SLC1A2: variants seen among roughly 807,000 people sequenced by gnomAD.
The protein encoded by SLC1A2 is solute carrier family 1 member 2.
A neutral mutation model predicts 48.8 loss-of-function variants in SLC1A2; 15 were observed. That is an observed-to-expected ratio of 0.31 (90% CI 0.21 to 0.47). The LOEUF is 0.47. Among genes scored for constraint, SLC1A2 ranks in the 20% least tolerant of loss-of-function variants. The pLI is 0.99. For missense variants in SLC1A2, 502 were observed against 730.5 expected, an observed-to-expected ratio of 0.69 and a Z score of 3.61; for synonymous variants, 279 against 272.6, an observed-to-expected ratio of 1.02 and a Z score of -0.23.
intron 1 of SLC1A2, among the ~76,000 whole-genome samples, chr11:35,415,251 T>C (rs1855572386): frequency 6.6e-6 from 1 of 152,244 alleles, no homozygotes; most frequent in South Asian, 2.1e-4. Flanking sequence ...GAAGTGGCCA[T>C]TGATACTGAT....
In SLC1A2 at chr11:35,305,200, G is replaced by A. The variant is rs553112021; in HGVS notation, c.730+874C>T. On this transcript the variant is annotated intron_variant, in intron 5 of 10. Transcript: ENST00000278379. ...GGAGCAAACTGGGCAGACTAGAGCC[G>A]CTCACATGGTAATAAACCTCTGTCC... Among the ~76,000 whole-genome samples the A allele has an allele frequency of 4.6e-5, 7 of 152,242 alleles. No homozygotes were observed. In the East Asian group the frequency reaches 7.7e-4, roughly 17 times the overall value.
chr11:35,321,153 T>C (rs1852051746), intron 1 of SLC1A2, among the ~76,000 whole-genome samples: 1 of 152,142 alleles, frequency 6.6e-6, no homozygotes, highest in Non-Finnish European at 1.5e-5. Context: ...CACCAGATAT[T>C]GTGATAACTC....
intron 1 of SLC1A2, among the ~76,000 whole-genome samples, chr11:35,363,360 C>T (rs1367573635): frequency 5.9e-5 from 9 of 152,116 alleles, no homozygotes; most frequent in South Asian, 2.1e-4. Context: ...GAAGGAAGGG[C>T]GGATGGCTTG....
chr11:35,414,116 G>A (rs181613661), intron 1 of SLC1A2, among the ~76,000 whole-genome samples: 10 of 152,050 alleles, frequency 6.6e-5, no homozygotes, highest in African/African-American at 1.7e-4. Flanking sequence ...AGCAACTGTC[G>A]AGATTGCCAA....
At chr11:35,317,602 G>GATTCCAACTGT in intron 1 of SLC1A2, 86 bp from the exon 2 acceptor site, 2 of 1,467,770 alleles carry the variant, frequency 1.4e-6, no homozygotes, top group Non-Finnish European at 1.8e-6. Context: ...AACCTCTCCA[G>GATTCCAACTGT]GCACAGTTGG....
chr11:35,348,816 C>T (rs1390974336), intron 1 of SLC1A2, among the ~76,000 whole-genome samples: 1 of 150,258 alleles, frequency 6.7e-6, no homozygotes, highest in African/African-American at 2.5e-5. Flanking sequence ...TTGCTTGAAC[C>T]CAGGAGGTGG....
At chr11:35,389,015 A>G (rs1179573224) in intron 1 of SLC1A2, among the ~76,000 whole-genome samples, 1 of 152,206 alleles carries the variant, frequency 6.6e-6, no homozygotes, top group African/African-American at 2.4e-5. Context: ...TAACGGGTAC[A>G]CTAGAAGTCC....
chr11:35,351,705 G>A (rs941975992), intron 1 of SLC1A2, among the ~76,000 whole-genome samples: 19 of 151,828 alleles, frequency 1.3e-4, no homozygotes, highest in Non-Finnish European at 2.6e-4. Flanking sequence ...GCACAATCTC[G>A]GCTCACTACA....
At chr11:35,318,044 G>C (rs1851941293) in intron 1 of SLC1A2, among the ~76,000 whole-genome samples, 1 of 152,148 alleles carries the variant, frequency 6.6e-6, no homozygotes. Flanking sequence ...TTTTGGAAAA[G>C]ATAGTTTATC....
intron 4 of SLC1A2, among the ~76,000 whole-genome samples, chr11:35,311,897 G>GAGA (rs1565233384): frequency 1.9e-4 from 5 of 25,700 alleles, no homozygotes; most frequent in Non-Finnish European, 2.8e-4. Flanking sequence ...AGAGAGGGAG[G>GAGA]GAGAGAGAGA....
At position 35,251,590 on chromosome 11, in the gene SLC1A2, T is replaced by C. The variant is rs1950239269; in HGVS notation, c.*9304A>G. The C allele has an allele frequency of 6.6e-6, 1 of 152,396 alleles. No homozygotes were observed. 9.4% of individuals were successfully genotyped at this position (152,396 alleles called of 1,614,324 possible). On this transcript the variant is annotated 3_prime_UTR_variant, in exon 11 of 11. Transcript: ENST00000278379. ...GAATACAATTAGTTTTATCTTTTGTTCTGGACATACAAGAATTTTCAAAGA... is the reference window on the plus strand; with the variant it reads ...GAATACAATTAGTTTTATCTTTTGTCCTGGACATACAAGAATTTTCAAAGA...
chr11:35,355,777 C>G, intron 1 of SLC1A2, among the ~76,000 whole-genome samples: 1 of 151,824 alleles, frequency 6.6e-6, no homozygotes, highest in South Asian at 2.1e-4. Flanking sequence ...CCCAGCTACT[C>G]GGGAGGCTGA....
intron 1 of SLC1A2, among the ~76,000 whole-genome samples, chr11:35,348,171 C>T (rs1329026661): frequency 6.6e-6 from 1 of 152,154 alleles, no homozygotes. Flanking sequence ...ATAAGCAGAG[C>T]CTCCCCAGGA....
At chr11:35,360,434 C>A (rs1420331349) in intron 1 of SLC1A2, among the ~76,000 whole-genome samples, 3 of 152,228 alleles carry the variant, frequency 2.0e-5, no homozygotes, top group Admixed American at 6.5e-5. Context: ...CACCAGATGA[C>A]CTTCCCTGGG....
intron 6 of SLC1A2, chr11:35,299,657 A>G (rs577545923): frequency 1.3e-5 from 2 of 152,246 alleles, no homozygotes; most frequent in East Asian, 1.9e-4. Context: ...ACTCGTTCCT[A>G]AAGTTTTAGT....
chr11:35,341,133 C>T (rs1852827616), intron 1 of SLC1A2, among the ~76,000 whole-genome samples: 1 of 152,194 alleles, frequency 6.6e-6, no homozygotes, highest in African/African-American at 2.4e-5. Flanking sequence ...GAGGCTGGAA[C>T]TGCATTAGAG....
At chr11:35,352,560 A>G (rs978798017) in intron 1 of SLC1A2, among the ~76,000 whole-genome samples, 15 of 152,206 alleles carry the variant, frequency 9.9e-5, no homozygotes, top group Non-Finnish European at 1.0e-4. Flanking sequence ...AGCCATTCCA[A>G]TGCTGCCTCT....
intron 1 of SLC1A2, among the ~76,000 whole-genome samples, chr11:35,346,752 C>T (rs927506427): frequency 6.6e-6 from 1 of 152,206 alleles, no homozygotes; most frequent in Non-Finnish European, 1.5e-5. Context: ...AGGGCTTTCT[C>T]AGTGAAATGA....
At chr11:35,324,466 G>A (rs1226530742) in intron 1 of SLC1A2, among the ~76,000 whole-genome samples, 1 of 152,236 alleles carries the variant, frequency 6.6e-6, no homozygotes, top group Non-Finnish European at 1.5e-5. Flanking sequence ...CCAGTGAGAT[G>A]ATATCTATGA....
Sources: allele counts gnomAD v4.1 joint callset (sites outside exome capture counted in the v4.1 genomes callset), GRCh38; gene constraint gnomAD v4.1.1; transcripts MANE v1.5; gene names NCBI Gene and HGNC (gene_info 2026-07-23, HGNC 2026-07-21).